Variants in METTL16 observed in about 807,000 individuals in gnomAD.
METTL16 encodes the protein RNA N(6)-adenosine-methyltransferase METTL16.
METTL16 carries 19 observed loss-of-function variants against 57.9 expected under a neutral mutation model. That is an observed-to-expected ratio of 0.33 (90% CI 0.23 to 0.48). The LOEUF is 0.48. Among genes scored for constraint, METTL16 ranks in the 20% least tolerant of loss-of-function variants. METTL16 has a pLI of 0.99. For missense variants in METTL16, 434 were observed against 691.5 expected, an observed-to-expected ratio of 0.63 and a Z score of 4.18; for synonymous variants, 246 against 255.6, an observed-to-expected ratio of 0.96 and a Z score of 0.36.
Position 2,491,640 on chromosome 17 carries a change from C to T in METTL16, c.128+10564G>A, listed in dbSNP as rs1468405427. On this transcript the variant is annotated intron_variant, in intron 2 of 9. Coordinates refer to ENST00000263092, the MANE Select transcript of METTL16 (RefSeq NM_024086.4). Reference sequence around the variant, plus strand: ...CCTGTAATGTCAGCACGTTGGGAGGCCAAGGCGGGTGAATCACGAGGTCAG... The same window carrying T: ...CCTGTAATGTCAGCACGTTGGGAGGTCAAGGCGGGTGAATCACGAGGTCAG... Among the ~76,000 whole-genome samples, 17 of 152,142 alleles carry T rather than the reference C, an allele frequency of 1.1e-4. No individual in the cohort carries two copies. In the East Asian group the frequency reaches 1.2e-3, roughly 10 times the overall value.
chr17:2,477,488 C>T (rs1014594531), intron 3 of METTL16, 198 bp downstream of exon 3: 1 of 575,708 alleles, frequency 1.7e-6, no homozygotes, highest in Non-Finnish European at 3.1e-6. Context: ...ACGCACATTG[C>T]CTTTGAGCAA....
chr17:2,487,003 C>CAAAA (rs11397318), intron 2 of METTL16, among the ~76,000 whole-genome samples: 12 of 57,406 alleles, frequency 2.1e-4, no homozygotes, highest in Admixed American at 5.6e-4. Flanking sequence ...GATCCTGTCT[C>CAAAA]AAAAAAAAAA....
intron 5 of METTL16, among the ~76,000 whole-genome samples, chr17:2,465,546 C>CAAAAAA (rs547864019): frequency 2.0e-4 from 5 of 24,504 alleles, no homozygotes; most frequent in African/African-American, 3.2e-4. Flanking sequence ...GACTCCATCT[C>CAAAAAA]AAAAAAAAAA....
intron 6 of METTL16, among the ~76,000 whole-genome samples, chr17:2,458,707 GAC>G (rs1272575633): frequency 1.3e-5 from 2 of 151,652 alleles, no homozygotes; most frequent in African/African-American, 4.8e-5. Context: ...GCAAGACTCT[GAC>G]ACACACACAC....
chr17:2,465,501 C>T (rs2067186455), intron 5 of METTL16, among the ~76,000 whole-genome samples: 1 of 136,152 alleles, frequency 7.3e-6, no homozygotes. Context: ...GAAACGAGAT[C>T]ACGCCACTGC....
At chr17:2,421,092 G>A (rs936078236) in intron 8 of METTL16, among the ~76,000 whole-genome samples, 188 bp from the exon 9 acceptor site, 1 of 152,142 alleles carries the variant, frequency 6.6e-6, no homozygotes, top group African/African-American at 2.4e-5. Flanking sequence ...AGTCATTCAC[G>A]CCTATAATCC....
chr17:2,489,731 T>TAAAAAAAA (rs2067371055), intron 2 of METTL16, among the ~76,000 whole-genome samples: 1 of 1,314 alleles, frequency 7.6e-4, no homozygotes, highest in Admixed American at 5.4e-3. Flanking sequence ...AGAGCGAGAC[T>TAAAAAAAA]CAAAAAAAAA....
intron 7 of METTL16, among the ~76,000 whole-genome samples, chr17:2,440,571 A>AAAAAC (rs1053475826): frequency 2.7e-5 from 4 of 148,064 alleles, no homozygotes; most frequent in African/African-American, 1.1e-4. Flanking sequence ...AAAAAAAAAC[A>AAAAAC]AAAACAAAAC....
chr17:2,420,858 A>T lies in METTL16; in HGVS notation c.935T>A (p.Ile312Lys). Residue 312 changes from isoleucine to lysine, a missense_variant, in exon 9 of 10, where the codon ATA becomes AAA. Physicochemically the swap from Ile to Lys is moderately radical, Grantham distance 102 (BLOSUM62 -3). This residue lies in a region of METTL16 where 96 missense variants were observed against 138.3 expected (regional missense o/e 0.69). Transcript: ENST00000263092. This position sits in a 1 kb window ranked among gnomAD's most constrained non-coding sequence, Gnocchi z 5.4. ...RRKLEKPRKPITFVVLASVMK... is the reference protein window; with the variant it reads ...RRKLEKPRKPKTFVVLASVMK... The stretch of plus-strand genomic sequence containing the variant: ...CACGGACGCCAGCACCACGAATGTT[A>T]TGGGTTTTCTCGGTTTCTCTAATTT... 1.2e-6 allele frequency: 2 copies of T among 1,614,182 alleles called. No homozygotes were observed. The highest frequency in any genetic ancestry group is 1.7e-6 in the Non-Finnish European group (2 of 1,180,024).
intron 1 of METTL16, among the ~76,000 whole-genome samples, chr17:2,506,406 C>T (rs1490805318): frequency 1.3e-5 from 2 of 151,980 alleles, no homozygotes; most frequent in East Asian, 1.9e-4. Context: ...CTGCCTCAGC[C>T]TGCCGAGTGC....
intron 4 of METTL16, among the ~76,000 whole-genome samples, chr17:2,472,008 G>A (rs2067238667): frequency 6.6e-6 from 1 of 151,872 alleles, no homozygotes; most frequent in South Asian, 2.1e-4. Flanking sequence ...CAGCTACTTA[G>A]GAGGCTGAAG....
chr17:2,420,664 A>AAAAAAAAG lies in METTL16; in HGVS notation c.1062+66_1062+67insCTTTTTTT. 2 of 1,563,866 alleles carry AAAAAAAAG rather than the reference A, an allele frequency of 1.3e-6. No homozygotes were observed. Among genetic ancestry groups the AAAAAAAAG allele is most frequent in the East Asian group, 2.2e-5 (1 of 44,522 alleles). On this transcript the variant is annotated intron_variant, in intron 9 of 9. Transcript: ENST00000263092. This position sits in a 1 kb window ranked among gnomAD's most constrained non-coding sequence, Gnocchi z 5.4. The stretch of plus-strand genomic sequence containing the variant: ...CCCTCTCTCCAAACTCTCAATAAAA[A>AAAAAAAAG]AAAAAAGAAAAAAGAAAAAAGAGAA...
At chr17:2,448,187 C>T (rs2067028948) in intron 6 of METTL16, among the ~76,000 whole-genome samples, 2 of 150,154 alleles carry the variant, frequency 1.3e-5, no homozygotes, top group African/African-American at 4.9e-5. Flanking sequence ...TGCCCGGCCG[C>T]CCCTACTGGG....
intron 6 of METTL16, among the ~76,000 whole-genome samples, chr17:2,443,368 T>TA (rs1309277724): frequency 6.6e-6 from 1 of 152,138 alleles, no homozygotes; most frequent in Non-Finnish European, 1.5e-5. Flanking sequence ...TGAATTCTAC[T>TA]AAACATTTAA....
chr17:2,463,203 G>A (rs755531785), intron 6 of METTL16, among the ~76,000 whole-genome samples: 2 of 152,132 alleles, frequency 1.3e-5, no homozygotes, highest in Non-Finnish European at 2.9e-5. Flanking sequence ...CTGAAAGGAC[G>A]AGGCAACAAA....
intron 6 of METTL16, among the ~76,000 whole-genome samples, chr17:2,463,908 C>A (rs1199205509): frequency 2.0e-5 from 3 of 152,122 alleles, no homozygotes; most frequent in Admixed American, 2.0e-4. Context: ...AGGCAGATCA[C>A]CTGAGGCTAG....
intron 8 of METTL16, among the ~76,000 whole-genome samples, chr17:2,434,873 C>G (rs747253997): frequency 3.9e-5 from 6 of 152,236 alleles, no homozygotes; most frequent in Non-Finnish European, 5.9e-5. Context: ...GCCCAGAGTT[C>G]CTGAGCAGTG....
rs1419905351 is a variant in METTL16 at position 2,447,899 on chromosome 17, T to TG, written c.729-6341dup. On this transcript the variant is annotated intron_variant, in intron 6 of 9. Coordinates refer to ENST00000263092, the MANE Select transcript of METTL16 (RefSeq NM_024086.4). ...CCAGCCGCCCCGTCCGGGAGGGAGGTGGGGGGGGTCAGCCCCCCGCCCGGC... is the reference window on the plus strand; with the variant it reads ...CCAGCCGCCCCGTCCGGGAGGGAGGTGGGGGGGGGTCAGCCCCCCGCCCGGC... Among the ~76,000 whole-genome samples, 112 of 11,428 alleles carry TG rather than the reference T, an allele frequency of 9.8e-3. 1 individual carries two copies. Among genetic ancestry groups the TG allele is most frequent in the African/African-American group, 0.056 (89 of 1,598 alleles). The allele number at this position is 11,428 out of a possible 152,430, so 7.5% of individuals were successfully genotyped here.
rs144769638 is a variant in METTL16 at position 2,442,988 on chromosome 17, C to T, written c.729-1429G>A. 2.8e-3 allele frequency among the ~76,000 whole-genome samples: 425 copies of T among 150,932 alleles called. 2 individuals carry two copies. The highest frequency in any genetic ancestry group is 9.8e-3 in the African/African-American group (405 of 41,126). ...GATTATATGTGTGTGCCACCACGCC[C>T]AACTAATTTTTTTGTTTTTGAGACA... On this transcript the variant is annotated intron_variant, in intron 6 of 9. Coordinates refer to ENST00000263092, the MANE Select transcript of METTL16 (RefSeq NM_024086.4).
Sources: allele counts gnomAD v4.1 joint callset (sites outside exome capture counted in the v4.1 genomes callset), GRCh38; gene constraint gnomAD v4.1.1; regional missense constraint gnomAD v4.1.1; non-coding constraint Gnocchi (gnomAD v3.1); transcripts MANE v1.5; gene names NCBI Gene and HGNC (gene_info 2026-07-23, HGNC 2026-07-21).